ZNF430: variants seen among roughly 807,000 people sequenced by gnomAD.
The protein encoded by ZNF430 is zinc finger protein 430.
In ZNF430, 35 loss-of-function variants were observed where a neutral mutation model predicts 56.7. That is an observed-to-expected ratio of 0.62 (90% confidence interval 0.47 to 0.82). ZNF430 has a LOEUF of 0.82. Ranked by LOEUF, ZNF430 falls within the 40% of genes least tolerant of loss-of-function variation. The probability of loss-of-function intolerance (pLI) is 0.00; values close to 1 mark genes in which losing one functional copy is unlikely to be tolerated. For missense variants in ZNF430, 574 were observed against 661.0 expected (o/e 0.87, Z 1.44); for synonymous variants, 212 against 224.3 (o/e 0.94, Z 0.49).
intron 4 of ZNF430, chr19:21,034,401 T>G (rs1967957437): frequency 2.4e-6 from 1 of 424,840 alleles, no homozygotes; most frequent in African/African-American, 2.0e-5. Flanking sequence ...CCTTCAAGTT[T>G]GCTATCAGAA....
At chr19:21,022,396 T>G (rs7250086) in intron 1 of ZNF430, among the ~76,000 whole-genome samples, 7,033 of 152,300 alleles carry the variant, frequency 0.046, 556 homozygotes, top group African/African-American at 0.16. Context: ...CATTATCACC[T>G]ATTTGTCCTT....
Position 21,058,401 on chromosome 19 carries a change from G to A in ZNF430, c.*380G>A, listed in dbSNP as rs542596173. On this transcript the variant is annotated 3_prime_UTR_variant, in exon 5 of 5. Transcript: ENST00000261560. ...AGAGGTTGAAGTGAGCTGAGATCGC[G>A]CCATTGCACTCCAGCCTGGGCAACA... 3.5e-5 allele frequency: 6 copies of A among 169,270 alleles called. No individual in the cohort carries two copies. Among genetic ancestry groups the A allele is most frequent in the South Asian group, 1.5e-4 (1 of 6,632 alleles). 10.5% of individuals were successfully genotyped at this position (169,270 alleles called of 1,614,324 possible).
chr19:21,033,076 C>T (rs1967931485), intron 2 of ZNF430, among the ~76,000 whole-genome samples: 1 of 151,520 alleles, frequency 6.6e-6, no homozygotes, highest in Admixed American at 6.6e-5. Flanking sequence ...TTATTGGGGC[C>T]GGGCATGGTG....
chr19:21,049,747 T>TGTTACATTTCGTGTA (rs1568591407), intron 4 of ZNF430, among the ~76,000 whole-genome samples: 3 of 152,234 alleles, frequency 2.0e-5, no homozygotes, highest in African/African-American at 4.8e-5. Flanking sequence ...TAACATTTCT[T>TGTTACATTTCGTGTA]ATAGTGAACA....
chr19:21,034,186 T>C lies in ZNF430; in HGVS notation c.322+2T>C, dbSNP rs771777444. ...ATGCGATGGTAGATCAACCCCCAGG[T>C]AGGTGAGAGTGAACACAACAGACGA... On this transcript the variant is annotated splice_donor_variant, in intron 4 of 4. Coordinates refer to ENST00000261560, the MANE Select transcript of ZNF430 (RefSeq NM_025189.4). LOFTEE classifies it high-confidence loss of function. 1 of 1,585,742 alleles carries C rather than the reference T, an allele frequency of 6.3e-7. No homozygotes were observed. Among genetic ancestry groups the C allele is most frequent in the East Asian group, 2.3e-5 (1 of 44,270 alleles).
intron 1 of ZNF430, among the ~76,000 whole-genome samples, chr19:21,021,124 C>T (rs1222107427): frequency 1.3e-5 from 2 of 152,120 alleles, no homozygotes; most frequent in African/African-American, 2.4e-5. Context: ...AGAATCGTCA[C>T]GGGAGAATCC....
intron 4 of ZNF430, 116 bp downstream of exon 4, chr19:21,034,300 C>G (rs1245128169): frequency 5.4e-5 from 46 of 855,676 alleles, no homozygotes; most frequent in Non-Finnish European, 7.4e-5. Context: ...TTCTGGGAAG[C>G]CTGAGTTTTT....
Position 21,057,960 on chromosome 19 carries a change from A to G in ZNF430, c.1652A>G (p.Asn551Ser). ...TGTGAAGAATACGGCAAAGCTTTCAACCAGTCCTCAAACCTTATTGAACAA... is the reference window on the plus strand; with the variant it reads ...TGTGAAGAATACGGCAAAGCTTTCAGCCAGTCCTCAAACCTTATTGAACAA... ...YNCEEYGKAF[N>S]QSSNLIEQSN... The change falls in exon 5 of 5, where the codon AAC (asparagine) becomes AGC (serine). Residue 551 changes from asparagine (N) to serine (S), a missense_variant. By Grantham distance (46) the Asn-to-Ser change is conservative (BLOSUM62 1). Transcript: ENST00000261560. The G allele has an allele frequency of 1.2e-6, 2 of 1,612,818 alleles. No individual in the cohort carries two copies.
At chr19:21,022,116 G>T (rs1363824107) in intron 1 of ZNF430, among the ~76,000 whole-genome samples, 1 of 152,096 alleles carries the variant, frequency 6.6e-6, no homozygotes, top group Non-Finnish European at 1.5e-5. Context: ...GGGATTACAG[G>T]CGTGAGCTAT....
chr19:21,036,101 T>C (rs544003493), intron 4 of ZNF430: 3 of 152,308 alleles, frequency 2.0e-5, no homozygotes, highest in Admixed American at 6.5e-5. Context: ...CATTGAGTTA[T>C]TGTGTTTTTT....
intron 1 of ZNF430, among the ~76,000 whole-genome samples, 174 bp from the exon 2 acceptor site, chr19:21,022,615 T>C (rs1967715763): frequency 6.6e-6 from 1 of 152,142 alleles, no homozygotes; most frequent in South Asian, 2.1e-4. Flanking sequence ...AGGATGTTTT[T>C]GGGTCAGGGT....
intron 3 of ZNF430, 105 bp downstream of exon 3, chr19:21,033,687 T>A: frequency 1.6e-6 from 2 of 1,280,808 alleles, no homozygotes; most frequent in Non-Finnish European, 2.1e-6. Context: ...AATGAGTTTC[T>A]GATACTTGTT....
chr19:21,043,084 G>T (rs1194732649), intron 4 of ZNF430, among the ~76,000 whole-genome samples: 4 of 152,112 alleles, frequency 2.6e-5, no homozygotes, highest in Admixed American at 6.6e-5. Context: ...TCACTCTGAT[G>T]ATAGTTTTTT....
chr19:21,032,432 C>T (rs1967920579), intron 2 of ZNF430, among the ~76,000 whole-genome samples: 1 of 152,096 alleles, frequency 6.6e-6, no homozygotes, highest in Admixed American at 6.6e-5. Context: ...ATCAGCACAT[C>T]ATAAAAATTT....
At chr19:21,055,034 T>A (rs1968349494) in intron 4 of ZNF430, among the ~76,000 whole-genome samples, 1 of 152,088 alleles carries the variant, frequency 6.6e-6, no homozygotes, top group African/African-American at 2.4e-5. Flanking sequence ...CTTCATAATT[T>A]CTGTTTTTCT....
At chr19:21,021,125 G>T (rs926318890) in intron 1 of ZNF430, among the ~76,000 whole-genome samples, 2 of 152,134 alleles carry the variant, frequency 1.3e-5, no homozygotes, top group Non-Finnish European at 2.9e-5. Context: ...GAATCGTCAC[G>T]GGAGAATCCT....
intron 3 of ZNF430, 27 bp downstream of exon 3, chr19:21,033,609 C>G: frequency 6.3e-7 from 1 of 1,578,698 alleles, no homozygotes; most frequent in East Asian, 2.3e-5. Context: ...TACACAATTA[C>G]TAGTATACCC....
At chr19:21,032,531 C>T (rs1967922525) in intron 2 of ZNF430, among the ~76,000 whole-genome samples, 1 of 152,104 alleles carries the variant, frequency 6.6e-6, no homozygotes, top group Admixed American at 6.6e-5. Flanking sequence ...AGTTCGAGAC[C>T]AGACTGACCA....
Position 21,054,865 on chromosome 19 carries a change from A to G in ZNF430, c.323-1766A>G, listed in dbSNP as rs929094838. ...GATTTTTTCTTTTTTTAGTAGAGAC[A>G]AGGTTTCGCCGTATTAGCCAGGATG... is the stretch of plus-strand genomic sequence containing the variant. On this transcript the variant is annotated intron_variant, in intron 4 of 4. Transcript: ENST00000261560. 4.6e-5 allele frequency among the ~76,000 whole-genome samples: 7 copies of G among 151,332 alleles called. No individual in the cohort carries two copies. The East Asian group carries it at 1.4e-3, about 29-fold the overall frequency.
Sources: allele counts gnomAD v4.1 joint callset (sites outside exome capture counted in the v4.1 genomes callset), GRCh38; gene constraint gnomAD v4.1.1; transcripts MANE v1.5; gene names NCBI Gene and HGNC (gene_info 2026-07-23, HGNC 2026-07-21).